The following ZNF827 variants were observed in gnomAD, a reference collection of about 807,000 sequenced individuals.
ZNF827 encodes zinc finger protein 827.
A neutral mutation model predicts 102.4 loss-of-function variants in ZNF827; 13 were observed. The ratio of observed to expected loss-of-function variants is 0.13; its 90% CI spans 0.08 to 0.20. ZNF827 has a LOEUF of 0.20. ZNF827 is among the 10% of genes least tolerant of loss of function. The pLI is 1.00. For synonymous variants in ZNF827, 523 were observed against 536.2 expected, an observed-to-expected ratio of 0.98 and a Z score of 0.34; for missense variants, 1,103 against 1,344.4, an observed-to-expected ratio of 0.82 and a Z score of 2.81.
chr4:145,933,245 G>A (rs913655567), intron 1 of ZNF827, among the ~76,000 whole-genome samples: 1 of 152,134 alleles, frequency 6.6e-6, no homozygotes, highest in Admixed American at 6.5e-5. Context: ...GAACAGATAG[G>A]CATTATTATC....
In ZNF827 at chr4:145,761,282, C is replaced by T. The variant is rs996900549; in HGVS notation, c.*334G>A. ...TCGCAGCTGAAGGTCTGGCGTGGGG[C>T]GTGCTTCAGCTTCTTGTGCAGGTTG... On this transcript the variant is annotated 3_prime_UTR_variant, in exon 15 of 15. Coordinates refer to ENST00000508784, the MANE Select transcript of ZNF827 (RefSeq NM_001306215.2). The surrounding 1 kb of genome is among the most constrained non-coding windows in gnomAD (Gnocchi z 6.8). The T allele has an allele frequency of 6.0e-5, 77 of 1,289,780 alleles. No individual in the cohort carries two copies. Among genetic ancestry groups the T allele is most frequent in the East Asian group, 2.2e-4 (4 of 18,030 alleles). 79.9% of individuals were successfully genotyped at this position (1,289,780 alleles called of 1,614,324 possible). A position where few individuals can be genotyped will look rare whatever the true frequency, so the allele number is the denominator to read the frequency against.
chr4:145,782,595 A>G (rs967992786), intron 8 of ZNF827, among the ~76,000 whole-genome samples: 1 of 152,214 alleles, frequency 6.6e-6, no homozygotes, highest in Non-Finnish European at 1.5e-5. Context: ...AAAAGCCTCC[A>G]AAACAGGTTC....
At chr4:145,889,478 G>T (rs1750410497) in intron 3 of ZNF827, among the ~76,000 whole-genome samples, 1 of 151,962 alleles carries the variant, frequency 6.6e-6, no homozygotes, top group Admixed American at 6.5e-5. Flanking sequence ...CAGTTCCTAA[G>T]GTGGAACTGA....
intron 9 of ZNF827, 52 bp downstream of exon 9, chr4:145,779,321 AG>A: frequency 6.3e-7 from 1 of 1,583,140 alleles, no homozygotes; most frequent in Non-Finnish European, 8.6e-7. Flanking sequence ...CGGAGAGTAA[AG>A]AAGTTGGTGA....
rs115480040 is a variant in ZNF827 at position 145,771,329 on chromosome 4, C to A, written c.2860+3177G>T. Among the ~76,000 whole-genome samples, 481 of 152,268 alleles carry A rather than the reference C, an allele frequency of 3.2e-3. 1 individual carries two copies. Among genetic ancestry groups the A allele is most frequent in the African/African-American group, 0.011 (451 of 41,532 alleles). ...CTTAAGCTTTTACAAATCCTTCTAG[C>A]TCTGGAAGCTTGATAAATATTCTAT... On this transcript the variant is annotated intron_variant, in intron 11 of 14. Transcript: ENST00000508784.
At chr4:145,913,576 G>T (rs1292192474) in intron 1 of ZNF827, among the ~76,000 whole-genome samples, 1 of 151,926 alleles carries the variant, frequency 6.6e-6, no homozygotes, top group African/African-American at 2.4e-5. Context: ...TTGTTGAAAA[G>T]ATAGCTTGAA....
At chr4:145,823,583 A>G in intron 7 of ZNF827, 58 bp from the exon 8 acceptor site, 3 of 1,204,730 alleles carry the variant, frequency 2.5e-6, no homozygotes, top group Non-Finnish European at 3.7e-6. Context: ...AGACACCCAG[A>G]GCACCTGGTC....
chr4:145,793,463 G>A (rs1740037975), intron 8 of ZNF827, among the ~76,000 whole-genome samples: 1 of 151,086 alleles, frequency 6.6e-6, no homozygotes, highest in Admixed American at 6.6e-5. Flanking sequence ...GGAGTCTGAT[G>A]TTCAAGGGCA....
intron 11 of ZNF827, among the ~76,000 whole-genome samples, chr4:145,770,585 C>T (rs1282065534): frequency 6.6e-6 from 1 of 151,426 alleles, no homozygotes; most frequent in African/African-American, 2.4e-5. Flanking sequence ...TATTATAAAA[C>T]ATACATAATA....
chr4:145,766,415 C>T (rs1735300243), intron 11 of ZNF827, among the ~76,000 whole-genome samples: 1 of 152,152 alleles, frequency 6.6e-6, no homozygotes, highest in Non-Finnish European at 1.5e-5. Context: ...GGATGTTAGG[C>T]AATGAAGAAA....
At chr4:145,803,109 C>G (rs1310037318) in intron 8 of ZNF827, among the ~76,000 whole-genome samples, 1 of 151,966 alleles carries the variant, frequency 6.6e-6, no homozygotes, top group Non-Finnish European at 1.5e-5. Context: ...TCTACTTTAC[C>G]TAAACACCTA....
intron 7 of ZNF827, 47 bp from the exon 8 acceptor site, chr4:145,823,572 A>G: frequency 7.3e-7 from 1 of 1,369,986 alleles, no homozygotes; most frequent in Non-Finnish European, 1.0e-6. Flanking sequence ...AAAGTTATTT[A>G]AGACACCCAG....
At chr4:145,862,667 T>C (rs940657901) in intron 5 of ZNF827, among the ~76,000 whole-genome samples, 3 of 152,160 alleles carry the variant, frequency 2.0e-5, no homozygotes, top group African/African-American at 2.4e-5. Flanking sequence ...ATCAGACATA[T>C]AAAGAATGCT....
chr4:145,813,813 C>A (rs1742295350), intron 8 of ZNF827, among the ~76,000 whole-genome samples: 1 of 152,116 alleles, frequency 6.6e-6, no homozygotes, highest in Non-Finnish European at 1.5e-5. Context: ...GGGGGTGACA[C>A]TGGAGACAGG....
rs1166919752 is a variant in ZNF827 at position 145,870,215 on chromosome 4, A to C, written c.1981+30T>G. On this transcript the variant is annotated intron_variant, in intron 5 of 14. Coordinates refer to ENST00000508784, the MANE Select transcript of ZNF827 (RefSeq NM_001306215.2). ...GTTGGCCTGCAAGTGAAACTATCAG[A>C]ATGTGAATATTTTAGAATAAATCAA... The C allele has an allele frequency of 7.5e-6, 12 of 1,606,220 alleles. No homozygotes were observed. In the South Asian group the frequency reaches 1.3e-4, roughly 18 times the overall value.
chr4:145,885,907 A>G lies in ZNF827; in HGVS notation c.1518T>C (p.Thr506=), dbSNP rs1250316422. The part of the protein sequence containing the change: ...ELVGTMMTSN[T]PERTSQGGAG... ...CCCCTCCCTGGCTAGTCCTCTCTGG[A>G]GTGTTAGACGTCATCATGGTCCCCA... is the stretch of plus-strand genomic sequence containing the variant. Residue 506 remains threonine, a synonymous_variant, in exon 4 of 15, where the codon ACT becomes ACC. Coordinates refer to ENST00000508784, the MANE Select transcript of ZNF827 (RefSeq NM_001306215.2). 6.2e-7 allele frequency: 1 copy of G among 1,614,002 alleles called. No homozygotes were observed.
chr4:145,779,172 C>G (rs543785129), intron 9 of ZNF827, among the ~76,000 whole-genome samples: 3 of 152,344 alleles, frequency 2.0e-5, no homozygotes, highest in African/African-American at 7.2e-5. Flanking sequence ...TCGGTCCTAC[C>G]TGGAACTCAA....
At chr4:145,861,520 G>A (rs73854938) in intron 5 of ZNF827, among the ~76,000 whole-genome samples, 2,145 of 152,176 alleles carry the variant, frequency 0.014, 52 homozygotes, top group African/African-American at 0.048. Flanking sequence ...ATTTACCAGC[G>A]GCCTCTCCGT....
At chr4:145,855,176 T>C (rs980520975) in intron 5 of ZNF827, among the ~76,000 whole-genome samples, 1 of 152,224 alleles carries the variant, frequency 6.6e-6, no homozygotes, top group Non-Finnish European at 1.5e-5. Flanking sequence ...CAATATCAAT[T>C]GGTCATTCCC....
Sources: gnomAD v4.1 joint callset for allele counts (sites outside exome capture counted in the v4.1 genomes callset) on GRCh38, gnomAD v4.1.1 for gene constraint, Gnocchi (gnomAD v3.1) non-coding constraint, MANE v1.5 for transcripts, NCBI Gene and HGNC (gene_info 2026-07-23, HGNC 2026-07-21) for gene names.